ZDHHC14: variants seen among roughly 807,000 people sequenced by gnomAD.
The protein encoded by ZDHHC14 is palmitoyltransferase ZDHHC14.
A neutral mutation model predicts 47.7 loss-of-function variants in ZDHHC14; 16 were observed. That is an observed-to-expected ratio of 0.34 (90% CI 0.23 to 0.51). The LOEUF (loss-of-function observed/expected upper bound fraction) is 0.51. Among genes scored for constraint, ZDHHC14 ranks in the 20% least tolerant of loss-of-function variants. The probability of loss-of-function intolerance (pLI) is 0.97; values close to 1 mark genes in which losing one functional copy is unlikely to be tolerated. For missense variants in ZDHHC14, 515 were observed against 662.5 expected, an observed-to-expected ratio of 0.78 and a Z score of 2.44; for synonymous variants, 293 against 278.9, an observed-to-expected ratio of 1.05 and a Z score of -0.50.
chr6:157,388,919 A>G (rs768809713), intron 1 of ZDHHC14, among the ~76,000 whole-genome samples: 10 of 152,104 alleles, frequency 6.6e-5, no homozygotes, highest in Non-Finnish European at 1.5e-4. Flanking sequence ...TCACAGTCTG[A>G]GCTTGGTAAT....
intron 3 of ZDHHC14, among the ~76,000 whole-genome samples, chr6:157,605,301 A>C (rs1583008535): frequency 6.6e-6 from 1 of 152,266 alleles, no homozygotes; most frequent in Admixed American, 6.5e-5. Flanking sequence ...TTTTGGGAGA[A>C]GCAAGAAGAA....
At chr6:157,653,718 C>G (rs1357432990) in intron 8 of ZDHHC14, 91 bp downstream of exon 8, 1 of 1,346,936 alleles carries the variant, frequency 7.4e-7, no homozygotes, top group Non-Finnish European at 1.0e-6. Flanking sequence ...TAGCAAACCT[C>G]CCCAGGAGCG....
chr6:157,585,924 C>T (rs1188635923), intron 2 of ZDHHC14, among the ~76,000 whole-genome samples: 1 of 152,240 alleles, frequency 6.6e-6, no homozygotes, highest in Non-Finnish European at 1.5e-5. Context: ...CGTTGCAGCA[C>T]TTGAGGGCCT....
At chr6:157,551,539 A>T (rs956516043) in intron 2 of ZDHHC14, among the ~76,000 whole-genome samples, 34 of 152,132 alleles carry the variant, frequency 2.2e-4, no homozygotes, top group Non-Finnish European at 4.7e-4. Flanking sequence ...ATCGCCTGGG[A>T]GTTATTAGAA....
intron 1 of ZDHHC14, among the ~76,000 whole-genome samples, chr6:157,431,190 G>T (rs1461083546): frequency 6.6e-6 from 1 of 152,148 alleles, no homozygotes; most frequent in Non-Finnish European, 1.5e-5. Flanking sequence ...GTTGATGTGG[G>T]TGCCATCACC....
rs137861838 is a variant in ZDHHC14 at position 157,647,310 on chromosome 6, A to C, written c.907A>C (p.Ser303Arg). 6.2e-7 allele frequency: 1 copy of C among 1,614,212 alleles called. No homozygotes were observed. The highest frequency in any genetic ancestry group is 1.3e-5 in the African/African-American group (1 of 75,062). Residue 303 changes from serine (S) to arginine (R), a missense_variant, in exon 7 of 9, where the codon AGC becomes CGC. Physicochemically the swap from Ser to Arg is moderately radical, Grantham distance 110. Around this residue, in one of 4 missense-constraint regions of ZDHHC14, gnomAD observed 229 missense variants for 351.5 expected, o/e 0.65. Coordinates refer to ENST00000359775, the MANE Select transcript of ZDHHC14 (RefSeq NM_024630.3). The stretch of plus-strand genomic sequence containing the variant: ...AGGTAAAGAAAATTACAATCCCTAC[A>C]GCTACGGAAATATCTTTACCAACTG... ...KRGKENYNPY[S>R]YGNIFTNCCV...
chr6:157,391,724 G>A (rs1233221690), intron 1 of ZDHHC14, among the ~76,000 whole-genome samples: 2 of 152,184 alleles, frequency 1.3e-5, no homozygotes, highest in African/African-American at 4.8e-5. Flanking sequence ...TCTTGGGAAG[G>A]ACTTGATACA....
intron 1 of ZDHHC14, among the ~76,000 whole-genome samples, chr6:157,487,798 G>A (rs189274494): frequency 2.4e-3 from 359 of 152,204 alleles, no homozygotes; most frequent in African/African-American, 7.9e-3. Context: ...TGGCAGCCTC[G>A]GCAGCCTCAT....
chr6:157,505,311 G>T (rs186272775), intron 1 of ZDHHC14, among the ~76,000 whole-genome samples: 1 of 152,088 alleles, frequency 6.6e-6, no homozygotes, highest in East Asian at 1.9e-4. Flanking sequence ...TTTATTTGGG[G>T]GCTTCATGAC....
intron 1 of ZDHHC14, among the ~76,000 whole-genome samples, chr6:157,516,010 C>G (rs1026519582): frequency 6.6e-6 from 1 of 152,148 alleles, no homozygotes; most frequent in Non-Finnish European, 1.5e-5. Flanking sequence ...ACCCAAGTCC[C>G]CTGTGTGCCC....
intron 1 of ZDHHC14, among the ~76,000 whole-genome samples, chr6:157,445,407 C>T (rs973594405): frequency 1.3e-5 from 2 of 152,156 alleles, no homozygotes; most frequent in Non-Finnish European, 2.9e-5. Flanking sequence ...GTTCATTTGT[C>T]TTGCCTCCGT....
intron 1 of ZDHHC14, among the ~76,000 whole-genome samples, chr6:157,529,714 C>T (rs1024244608): frequency 6.6e-6 from 1 of 152,198 alleles, no homozygotes; most frequent in Non-Finnish European, 1.5e-5. Flanking sequence ...TCATTGAGAT[C>T]CTTATAAAAA....
At chr6:157,663,954 C>T (rs1490209361) in intron 8 of ZDHHC14, among the ~76,000 whole-genome samples, 1 of 152,190 alleles carries the variant, frequency 6.6e-6, no homozygotes, top group African/African-American at 2.4e-5. Flanking sequence ...AATTTTCTAA[C>T]AGAAACGTCC....
At position 157,582,327 on chromosome 6, in the gene ZDHHC14, A is replaced by G. The variant is rs1224481890; in HGVS notation, c.407-10661A>G. Among the ~76,000 whole-genome samples the G allele has an allele frequency of 6.6e-6, 1 of 152,218 alleles. No homozygotes were observed. The highest frequency in any genetic ancestry group is 2.4e-5 in the African/African-American group (1 of 41,452). ...GCTTGTTTGTGTGGTTGCTTTATAGAGTCACCAGTCTGTGTACTTGAGTGT... is the reference window on the plus strand; with the variant it reads ...GCTTGTTTGTGTGGTTGCTTTATAGGGTCACCAGTCTGTGTACTTGAGTGT... On this transcript the variant is annotated intron_variant, in intron 2 of 8. Coordinates refer to ENST00000359775, the MANE Select transcript of ZDHHC14 (RefSeq NM_024630.3). This position sits in a 1 kb window ranked among gnomAD's most constrained non-coding sequence, Gnocchi z 4.3.
rs1187786187 is a variant in ZDHHC14, at chr6:157,597,488, C to A, written c.565+4342C>A. Among the ~76,000 whole-genome samples the A allele has an allele frequency of 2.0e-5, 3 of 152,252 alleles. No individual in the cohort carries two copies. The East Asian group carries it at 5.8e-4, about 29-fold the overall frequency. ...GGATTTACATGTACTAGATTTTAAT[C>A]ACATACTGTGGACAAACTAATAAGA... On this transcript the variant is annotated intron_variant, in intron 3 of 8. Transcript: ENST00000359775.
Position 157,597,778 on chromosome 6 carries a change from G to A in ZDHHC14, c.565+4632G>A, listed in dbSNP as rs1174543531. On this transcript the variant is annotated intron_variant, in intron 3 of 8. Coordinates refer to ENST00000359775, the MANE Select transcript of ZDHHC14 (RefSeq NM_024630.3). ...CTCAGGCCATGCCAGCCCCTGGGGGGCACCGAGCAGACCAGCCTCCTCCCA... is the reference window on the plus strand; with the variant it reads ...CTCAGGCCATGCCAGCCCCTGGGGGACACCGAGCAGACCAGCCTCCTCCCA... 4.6e-5 allele frequency among the ~76,000 whole-genome samples: 7 copies of A among 152,200 alleles called. No individual in the cohort carries two copies. The South Asian group carries it at 1.2e-3, about 27-fold the overall frequency.
Position 157,461,473 on chromosome 6 carries a change from T to A in ZDHHC14, c.245+79207T>A, listed in dbSNP as rs530313677. On this transcript the variant is annotated intron_variant, in intron 1 of 8. Transcript: ENST00000359775. ...GAACTTTGCTTTCCTGAACGCATTG[T>A]ACGTGTACAGTCCGTTACGGCCCAG... Among the ~76,000 whole-genome samples, 19 of 152,336 alleles carry A rather than the reference T, an allele frequency of 1.2e-4. No individual in the cohort carries two copies. The South Asian group carries it at 1.4e-3, about 12-fold the overall frequency.
chr6:157,495,048 G>A (rs1359777084), intron 1 of ZDHHC14, among the ~76,000 whole-genome samples: 1 of 151,950 alleles, frequency 6.6e-6, no homozygotes, highest in African/African-American at 2.4e-5. Context: ...AGCCTCCCAT[G>A]GTGCCTTTTT....
intron 1 of ZDHHC14, among the ~76,000 whole-genome samples, chr6:157,444,392 A>T (rs1778619210): frequency 6.6e-6 from 1 of 152,198 alleles, no homozygotes; most frequent in African/African-American, 2.4e-5. Context: ...AAGAGGATAT[A>T]CTAGGCTGGG....
Sources: allele counts gnomAD v4.1 joint callset (sites outside exome capture counted in the v4.1 genomes callset), GRCh38; gene constraint gnomAD v4.1.1; regional missense constraint gnomAD v4.1.1; non-coding constraint Gnocchi (gnomAD v3.1); transcripts MANE v1.5; gene names NCBI Gene and HGNC (gene_info 2026-07-23, HGNC 2026-07-21).